The following ANKRD45 variants were observed in gnomAD, a reference collection of about 807,000 sequenced individuals.
ANKRD45 encodes ankyrin repeat domain-containing protein 45.
ANKRD45 carries 21 observed loss-of-function variants against 28.1 expected under a neutral mutation model. The observed-to-expected ratio is 0.75, with a 90% CI of 0.53 to 1.08. ANKRD45 has a LOEUF of 1.08. Ranked by LOEUF, ANKRD45 falls within the 50% of genes least tolerant of loss-of-function variation. The probability of loss-of-function intolerance (pLI) is 0.00; values close to 1 mark genes in which losing one functional copy is unlikely to be tolerated. For missense variants in ANKRD45, 261 were observed against 308.7 expected, an observed-to-expected ratio of 0.85 and a Z score of 1.16; for synonymous variants, 86 against 103.9, an observed-to-expected ratio of 0.83 and a Z score of 1.05.
At chr1:173,658,044 C>T (rs1669623602) in intron 2 of ANKRD45, 1 of 152,066 alleles carries the variant, frequency 6.6e-6, no homozygotes, top group Non-Finnish European at 1.5e-5. Flanking sequence ...GTGTTCTTGG[C>T]TGGATGCATA....
At chr1:173,707,734 T>C in the ANKRD45 span, among the ~76,000 whole-genome samples, 9 of 152,232 alleles carry the variant, frequency 5.9e-5, no homozygotes, top group Admixed American at 5.9e-4. Flanking sequence ...ATGTGGGGTA[T>C]AAAGAACCAG....
rs1442258800 is a variant in ANKRD45 at position 173,609,903 on chromosome 1, TTATACCCAAGTGCTTTCC to T, written c.*224_*241del. On this transcript the variant is annotated 3_prime_UTR_variant, in exon 6 of 6. Coordinates refer to ENST00000333279, the MANE Select transcript of ANKRD45 (RefSeq NM_198493.3). Reference sequence around the variant, plus strand: ...CCTCCACATGGTCTTCACGAATGATTTATACCCAAGTGCTTTCCTGAAGGAGCACGTGAAACTCACATG... The same window carrying T: ...CCTCCACATGGTCTTCACGAATGATTTGAAGGAGCACGTGAAACTCACATG... 3.7e-4 allele frequency: 179 copies of T among 484,294 alleles called. No individual in the cohort carries two copies. The highest frequency in any genetic ancestry group is 5.5e-4 in the Middle Eastern group (1 of 1,820). 30.0% of individuals were successfully genotyped at this position (484,294 alleles called of 1,614,324 possible). A position where few individuals can be genotyped will look rare whatever the true frequency, so the allele number is the denominator to read the frequency against.
At chr1:173,676,000 C>T in the ANKRD45 span, among the ~76,000 whole-genome samples, 8 of 152,304 alleles carry the variant, frequency 5.3e-5, no homozygotes, top group African/African-American at 1.4e-4. Flanking sequence ...CCAAGATAAA[C>T]TTGGGGCTCT....
chr1:173,646,980 C>T lies in ANKRD45; in HGVS notation c.362G>A (p.Gly121Asp). ...CAGTGCTTTCAAAGTTTCCAAACGA[C>T]CCCAGGCTGCAGCACAATGTAAGAG... Reference protein sequence around the residue: ...YTLLHCAAAWGRLETLKALVE... With the variant: ...YTLLHCAAAWDRLETLKALVE... Residue 121 changes from glycine (G) to aspartate (D), a missense_variant, in exon 3 of 6, where the codon GGT becomes GAT. Gly to Asp is a moderately conservative substitution (Grantham distance 94). Transcript: ENST00000333279. 6.2e-7 allele frequency: 1 copy of T among 1,614,040 alleles called. No homozygotes were observed. Among genetic ancestry groups the T allele is most frequent in the South Asian group, 1.1e-5 (1 of 91,058 alleles).
chr1:173,670,124 G>A (rs894080860), upstream of ANKRD45, among the ~76,000 whole-genome samples: 11 of 152,180 alleles, frequency 7.2e-5, no homozygotes, highest in South Asian at 4.1e-4. Context: ...GAAATATGAG[G>A]TTGCATTCTA....
At chr1:173,641,264 G>C (rs866325968) in intron 3 of ANKRD45, among the ~76,000 whole-genome samples, 3 of 152,172 alleles carry the variant, frequency 2.0e-5, no homozygotes, top group Non-Finnish European at 4.4e-5. Flanking sequence ...TTGTGCACAC[G>C]GTAGGCCAGA....
chr1:173,678,901 A>G, the ANKRD45 span, among the ~76,000 whole-genome samples: 1 of 152,204 alleles, frequency 6.6e-6, no homozygotes, highest in Non-Finnish European at 1.5e-5. Context: ...AAGCATTTCT[A>G]TACATCAATA....
intron 1 of ANKRD45, among the ~76,000 whole-genome samples, chr1:173,660,937 T>C (rs1357547626): frequency 6.6e-6 from 1 of 152,144 alleles, no homozygotes; most frequent in Non-Finnish European, 1.5e-5. Context: ...ATGAGTGTTG[T>C]TTTTAACCTA....
chr1:173,669,194 A>G (rs1167461348), intron 1 of ANKRD45, among the ~76,000 whole-genome samples: 1 of 152,176 alleles, frequency 6.6e-6, no homozygotes, highest in Admixed American at 6.5e-5. Context: ...TCTACATTCA[A>G]TTCTGGGTGG....
At chr1:173,655,066 T>C (rs1558141649) in intron 2 of ANKRD45, among the ~76,000 whole-genome samples, 1 of 152,140 alleles carries the variant, frequency 6.6e-6, no homozygotes, top group Non-Finnish European at 1.5e-5. Context: ...TCAGAGAAGT[T>C]TGTTTTTACT....
the ANKRD45 span, among the ~76,000 whole-genome samples, chr1:173,680,975 G>T: frequency 6.6e-6 from 1 of 150,862 alleles, no homozygotes; most frequent in Non-Finnish European, 1.5e-5. Context: ...TGGGTGGGGG[G>T]GAGGCGGGGT....
chr1:173,612,303 AGAAGGAAGGAAGGAAAGAAG>A (rs1667194885), intron 5 of ANKRD45, among the ~76,000 whole-genome samples: 1 of 114,404 alleles, frequency 8.7e-6, no homozygotes, highest in Non-Finnish European at 1.8e-5. Context: ...AAAGAAGGAA[AGAAGGAAGGAAGGAAAGAAG>A]GAAGGAAGGA....
At chr1:173,672,626 G>A (rs912953928), upstream of ANKRD45, among the ~76,000 whole-genome samples, 7 of 152,174 alleles carry the variant, frequency 4.6e-5, no homozygotes, top group Admixed American at 2.6e-4. Flanking sequence ...GACACAATAG[G>A]TTTGAGACCT....
chr1:173,651,269 A>G (rs952048068), intron 2 of ANKRD45, among the ~76,000 whole-genome samples: 5 of 152,322 alleles, frequency 3.3e-5, no homozygotes, highest in Admixed American at 6.5e-5. Flanking sequence ...TGACTTTAGC[A>G]TAAGGTGTAA....
At chr1:173,613,311 C>G (rs1344621710) in intron 5 of ANKRD45, among the ~76,000 whole-genome samples, 1 of 151,350 alleles carries the variant, frequency 6.6e-6, no homozygotes, top group East Asian at 2.0e-4. Context: ...GCCCCTCCGA[C>G]CAGCAGCCGC....
At chr1:173,712,714 T>C in the ANKRD45 span, among the ~76,000 whole-genome samples, 2 of 152,128 alleles carry the variant, frequency 1.3e-5, no homozygotes, top group Admixed American at 1.3e-4. Flanking sequence ...AAACTGGAAA[T>C]AGTCAAAATA....
In ANKRD45 at chr1:173,609,822, T is replaced by C; in HGVS notation, c.*323A>G. The C allele has an allele frequency of 4.4e-6, 1 of 227,738 alleles. No individual in the cohort carries two copies. The highest frequency in any genetic ancestry group is 8.5e-6 in the Non-Finnish European group (1 of 117,836). 14.1% of individuals were successfully genotyped at this position (227,738 alleles called of 1,614,324 possible). On this transcript the variant is annotated 3_prime_UTR_variant, in exon 6 of 6. Coordinates refer to ENST00000333279, the MANE Select transcript of ANKRD45 (RefSeq NM_198493.3). ...GGAAATAGCCAAATATGTCCTTTTA[T>C]ATGGAATGCCTCAATTACACAGAAA...
chr1:173,624,428 G>A (rs1667833883), intron 5 of ANKRD45, among the ~76,000 whole-genome samples: 3 of 151,584 alleles, frequency 2.0e-5, no homozygotes, highest in Admixed American at 1.3e-4. Context: ...TGGAGGCTGT[G>A]GTAAGCTACA....
At chr1:173,650,247 T>A (rs1409050729) in intron 2 of ANKRD45, among the ~76,000 whole-genome samples, 1 of 152,130 alleles carries the variant, frequency 6.6e-6, no homozygotes, top group Non-Finnish European at 1.5e-5. Flanking sequence ...TAATGCTATC[T>A]CTCCACCAAC....
Sources: allele counts gnomAD v4.1 joint callset (sites outside exome capture counted in the v4.1 genomes callset), GRCh38; gene constraint gnomAD v4.1.1; transcripts MANE v1.5; gene names NCBI Gene and HGNC (gene_info 2026-07-23, HGNC 2026-07-21).